ZFHX3: variants seen among roughly 807,000 people sequenced by gnomAD.
ZFHX3 encodes the protein zinc finger homeobox protein 3.
A neutral mutation model predicts 279.1 loss-of-function variants in ZFHX3; 42 were observed. The ratio of observed to expected loss-of-function variants is 0.15; its 90% CI spans 0.12 to 0.19. ZFHX3 has a LOEUF of 0.19. ZFHX3 is among the 10% of genes least tolerant of loss of function. The probability of loss-of-function intolerance (pLI) is 1.00; values close to 1 mark genes in which losing one functional copy is unlikely to be tolerated. For synonymous variants in ZFHX3, 2,293 were observed against 1,957.8 expected (o/e 1.17, Z -4.52); for missense variants, 4,981 against 4,754.0 (o/e 1.05, Z -1.40).
rs888419860 is a variant in ZFHX3 at position 73,045,809 on chromosome 16, G to A, written c.-50+1943C>T. On this transcript the variant is annotated intron_variant, in intron 1 of 9. Transcript: ENST00000268489. ...TTTCAAAAAAAAAAAAAAAAGTGGG[G>A]GGGGGTTGTTGAGAGAGGGAAGTGA... Among the ~76,000 whole-genome samples, 39 of 148,322 alleles carry A rather than the reference G, an allele frequency of 2.6e-4. 1 individual carries two copies. The highest frequency in any genetic ancestry group is 4.8e-4 in the Non-Finnish European group (32 of 67,088).
intron 1 of ZFHX3, among the ~76,000 whole-genome samples, chr16:73,805,596 G>C (rs1360032828): frequency 1.3e-5 from 2 of 152,240 alleles, no homozygotes; most frequent in African/African-American, 4.8e-5. Context: ...AGATGAAGGA[G>C]TGGATGGGTG....
intron 1 of ZFHX3, among the ~76,000 whole-genome samples, chr16:73,746,653 C>G (rs538561861): frequency 2.1e-4 from 32 of 152,296 alleles, no homozygotes; most frequent in Non-Finnish European, 3.2e-4. Context: ...AACAATGGAG[C>G]TGACAGCCAT....
intron 3 of ZFHX3, among the ~76,000 whole-genome samples, chr16:72,907,828 C>G (rs181755459): frequency 1.7e-4 from 26 of 151,952 alleles, no homozygotes; most frequent in Non-Finnish European, 3.4e-4. Flanking sequence ...GGACCACAGG[C>G]CCGTGCTACC....
chr16:73,502,325 A>G (rs1019997172), intron 2 of ZFHX3, among the ~76,000 whole-genome samples: 5 of 152,226 alleles, frequency 3.3e-5, no homozygotes, highest in Non-Finnish European at 7.3e-5. Context: ...GGTATTGGTT[A>G]AGAAACTTGG....
intron 1 of ZFHX3, among the ~76,000 whole-genome samples, chr16:73,831,159 C>A (rs1260392775): frequency 6.6e-6 from 1 of 152,242 alleles, no homozygotes; most frequent in Non-Finnish European, 1.5e-5. Flanking sequence ...AGGGTATTCA[C>A]AGCCCTGGAG....
intron 1 of ZFHX3, among the ~76,000 whole-genome samples, chr16:73,883,328 C>G (rs979743376): frequency 6.6e-6 from 1 of 151,984 alleles, no homozygotes; most frequent in African/African-American, 2.4e-5. Flanking sequence ...AGCCTATGTT[C>G]TCTGTGTATT....
intron 4 of ZFHX3, among the ~76,000 whole-genome samples, chr16:73,317,025 T>C (rs920016174): frequency 2.0e-5 from 3 of 152,190 alleles, no homozygotes; most frequent in East Asian, 1.9e-4. Flanking sequence ...GCCAGGCCTC[T>C]TTTTAATAAA....
intron 3 of ZFHX3, among the ~76,000 whole-genome samples, chr16:73,384,427 G>C (rs1239634260): frequency 1.3e-5 from 2 of 152,240 alleles, no homozygotes; most frequent in Non-Finnish European, 2.9e-5. Flanking sequence ...ATGTTTCTGA[G>C]CAGCTTTCAC....
At chr16:73,127,628 G>A in intron 7 of ZFHX3, 2 of 1,272,756 alleles carry the variant, frequency 1.6e-6, no homozygotes, top group Non-Finnish European at 2.1e-6. Context: ...GGAACAGGGT[G>A]CAGACTGGAT....
chr16:73,254,336 A>C (rs2013600749), intron 5 of ZFHX3, among the ~76,000 whole-genome samples: 1 of 151,690 alleles, frequency 6.6e-6, no homozygotes, highest in Non-Finnish European at 1.5e-5. Context: ...TTTATGATTC[A>C]CTGTAAATTT....
chr16:73,217,640 G>C (rs1357846513), intron 5 of ZFHX3, among the ~76,000 whole-genome samples: 2 of 152,084 alleles, frequency 1.3e-5, no homozygotes, highest in African/African-American at 4.8e-5. Context: ...AATGTACCCT[G>C]GTAATGAAAA....
intron 3 of ZFHX3, among the ~76,000 whole-genome samples, chr16:73,416,815 A>G (rs1323765591): frequency 2.0e-5 from 3 of 149,154 alleles, no homozygotes; most frequent in South Asian, 2.2e-4. Flanking sequence ...CGGAGCCTGC[A>G]GTGAGCCGAG....
At chr16:73,647,396 T>A (rs1051322978) in intron 2 of ZFHX3, among the ~76,000 whole-genome samples, 1 of 152,172 alleles carries the variant, frequency 6.6e-6, no homozygotes, top group African/African-American at 2.4e-5. Flanking sequence ...CGGGGGCAGA[T>A]TCTCCTTTGC....
At chr16:73,190,400 A>G (rs1968004691) in intron 5 of ZFHX3, among the ~76,000 whole-genome samples, 1 of 152,232 alleles carries the variant, frequency 6.6e-6, no homozygotes, top group African/African-American at 2.4e-5. Context: ...AGGAGTTTCC[A>G]AGTTTTCTTT....
chr16:73,579,155 G>T (rs1000909126), intron 2 of ZFHX3, among the ~76,000 whole-genome samples: 1 of 152,120 alleles, frequency 6.6e-6, no homozygotes, highest in Non-Finnish European at 1.5e-5. Context: ...ACTTTCTATT[G>T]ATAACTCTTT....
intron 3 of ZFHX3, among the ~76,000 whole-genome samples, chr16:73,380,529 A>C (rs1285415118): frequency 1.3e-5 from 2 of 152,240 alleles, no homozygotes; most frequent in Admixed American, 1.3e-4. Flanking sequence ...AAGAGACTCT[A>C]ATGAAACACT....
chr16:72,912,914 G>A (rs1473504860), intron 3 of ZFHX3, among the ~76,000 whole-genome samples: 2 of 151,988 alleles, frequency 1.3e-5, no homozygotes, highest in African/African-American at 2.4e-5. Flanking sequence ...TAGTAGAGAC[G>A]GGGTTTCACC....
chr16:73,670,813 G>A (rs2052897232), intron 2 of ZFHX3, among the ~76,000 whole-genome samples: 1 of 152,064 alleles, frequency 6.6e-6, no homozygotes, highest in Admixed American at 6.6e-5. Flanking sequence ...TTTTATAAAT[G>A]AAATATTCAA....
chr16:72,841,579 T>C (rs937368182), intron 4 of ZFHX3, among the ~76,000 whole-genome samples: 6 of 152,128 alleles, frequency 3.9e-5, no homozygotes, highest in Non-Finnish European at 8.8e-5. Flanking sequence ...GAAACGGTCT[T>C]TTGCTAGGGT....
Sources: allele counts gnomAD v4.1 joint callset (sites outside exome capture counted in the v4.1 genomes callset), GRCh38; gene constraint gnomAD v4.1.1; transcripts MANE v1.5; gene names NCBI Gene and HGNC (gene_info 2026-07-23, HGNC 2026-07-21).